Variants in PACS1 observed in about 807,000 individuals in gnomAD.
PACS1 encodes phosphofurin acidic cluster sorting protein 1.
A neutral mutation model predicts 115.0 loss-of-function variants in PACS1; 24 were observed. The observed-to-expected ratio is 0.21, with a 90% CI of 0.15 to 0.29. PACS1 has a LOEUF of 0.29. Ranked by LOEUF, PACS1 falls within the 10% of genes least tolerant of loss-of-function variation. PACS1 has a pLI of 1.00. For missense variants in PACS1, 838 were observed against 1,251.2 expected, an observed-to-expected ratio of 0.67 and a Z score of 4.98; for synonymous variants, 453 against 504.5, an observed-to-expected ratio of 0.90 and a Z score of 1.37.
At chr11:66,084,540 G>C (rs1857536472) in intron 1 of PACS1, among the ~76,000 whole-genome samples, 1 of 152,122 alleles carries the variant, frequency 6.6e-6, no homozygotes, top group Non-Finnish European at 1.5e-5. Flanking sequence ...GGGCTGCTGT[G>C]ATGATCTAGG....
intron 1 of PACS1, among the ~76,000 whole-genome samples, chr11:66,103,440 G>A (rs1857965419): frequency 1.3e-5 from 2 of 151,836 alleles, no homozygotes; most frequent in Non-Finnish European, 1.5e-5. Context: ...GGGTAATTTA[G>A]GAGAAAAGGG....
rs148439184 is a variant in PACS1, at chr11:66,124,782, C to G, written c.356+53940C>G. On this transcript the variant is annotated intron_variant, in intron 1 of 23. Coordinates refer to ENST00000320580, the MANE Select transcript of PACS1 (RefSeq NM_018026.4). Reference sequence around the variant, plus strand: ...AAGCCAGCTCAATGACTTAAACACACAGATGTTTATCATTTCAGAAAACAA... The same window carrying G: ...AAGCCAGCTCAATGACTTAAACACAGAGATGTTTATCATTTCAGAAAACAA... Among the ~76,000 whole-genome samples the G allele has an allele frequency of 4.2e-3, 639 of 152,316 alleles. 4 individuals carry two copies. Among genetic ancestry groups the G allele is most frequent in the African/African-American group, 0.014 (578 of 41,554 alleles).
chr11:66,122,734 A>G (rs1280394000), intron 1 of PACS1, among the ~76,000 whole-genome samples: 1 of 152,246 alleles, frequency 6.6e-6, no homozygotes, highest in Non-Finnish European at 1.5e-5. Flanking sequence ...GGGTCTGAGG[A>G]TATGACTGAA....
chr11:66,140,945 T>C (rs1343481478), intron 1 of PACS1, among the ~76,000 whole-genome samples: 2 of 152,178 alleles, frequency 1.3e-5, no homozygotes, highest in African/African-American at 4.8e-5. Context: ...GGTATCTTAT[T>C]GTATGGATCT....
intron 1 of PACS1, among the ~76,000 whole-genome samples, chr11:66,138,205 C>T (rs1721022937): frequency 6.6e-6 from 1 of 151,992 alleles, no homozygotes; most frequent in African/African-American, 2.4e-5. Flanking sequence ...GATGCTCCTG[C>T]CTCAGCCTTC....
intron 4 of PACS1, among the ~76,000 whole-genome samples, chr11:66,212,232 A>G (rs1855088879): frequency 1.3e-5 from 2 of 151,552 alleles, no homozygotes; most frequent in Admixed American, 6.6e-5. Context: ...CCCGGGTTCA[A>G]GTGATTCTCC....
At chr11:66,186,277 T>C (rs1327995158) in intron 1 of PACS1, among the ~76,000 whole-genome samples, 1 of 139,580 alleles carries the variant, frequency 7.2e-6, no homozygotes, top group Non-Finnish European at 1.6e-5. Context: ...CCCTGTCTCT[T>C]AAAAAAAAAA....
At chr11:66,105,283 C>T (rs906106997) in intron 1 of PACS1, among the ~76,000 whole-genome samples, 4 of 152,000 alleles carry the variant, frequency 2.6e-5, no homozygotes, top group Admixed American at 2.6e-4. Context: ...ATTAGCCAGG[C>T]GAGGTGGTGC....
At chr11:66,230,997 C>T (rs1052120840) in intron 13 of PACS1, 57 bp downstream of exon 13, 2 of 1,602,016 alleles carry the variant, frequency 1.2e-6, no homozygotes, top group Non-Finnish European at 1.7e-6. Context: ...GAACTTCAGG[C>T]TCTGTTTTGT....
chr11:66,163,272 A>G (rs185041852), intron 1 of PACS1, among the ~76,000 whole-genome samples: 22 of 151,266 alleles, frequency 1.5e-4, no homozygotes, highest in Non-Finnish European at 2.1e-4. Flanking sequence ...AACTGCTTGA[A>G]CGAGGTGAGC....
intron 1 of PACS1, among the ~76,000 whole-genome samples, chr11:66,119,039 G>A (rs1315028945): frequency 2.0e-5 from 3 of 152,172 alleles, no homozygotes; most frequent in South Asian, 4.1e-4. Flanking sequence ...AGCTGAGTGG[G>A]AGTGGGGGTG....
intron 12 of PACS1, 28 bp downstream of exon 12, chr11:66,230,691 G>A (rs201081126): frequency 1.9e-6 from 3 of 1,610,212 alleles, no homozygotes; most frequent in African/African-American, 1.3e-5. Flanking sequence ...GAAGCAGGGG[G>A]TACAGCCTGC....
At chr11:66,097,554 G>A (rs1857813518) in intron 1 of PACS1, among the ~76,000 whole-genome samples, 1 of 152,200 alleles carries the variant, frequency 6.6e-6, no homozygotes, top group Non-Finnish European at 1.5e-5. Flanking sequence ...GTACCTTGGT[G>A]GCACCTTATA....
chr11:66,215,899 C>CAAAAAAAAAAAA (rs1162126580), intron 4 of PACS1, among the ~76,000 whole-genome samples: 1 of 116,926 alleles, frequency 8.6e-6, no homozygotes, highest in Non-Finnish European at 1.8e-5. Context: ...GACTCCGTCT[C>CAAAAAAAAAAAA]AAAAATAATA....
At position 66,219,820 on chromosome 11, in the gene PACS1, T is replaced by C; in HGVS notation, c.1038+15T>C. 6.3e-7 allele frequency: 1 copy of C among 1,591,028 alleles called. No individual in the cohort carries two copies. The highest frequency in any genetic ancestry group is 8.6e-7 in the Non-Finnish European group (1 of 1,158,956). The stretch of plus-strand genomic sequence containing the variant: ...TTTCAGATGAGGTATGGCCTCTTAC[T>C]CCCAAGGTTAATGGTGAGTAGAATT... On this transcript the variant is annotated intron_variant, in intron 8 of 23. Coordinates refer to ENST00000320580, the MANE Select transcript of PACS1 (RefSeq NM_018026.4).
chr11:66,168,288 T>C (rs1036565957), intron 1 of PACS1, among the ~76,000 whole-genome samples: 1 of 150,558 alleles, frequency 6.6e-6, no homozygotes, highest in Non-Finnish European at 1.5e-5. Context: ...TTTATATCAA[T>C]TTGGAGGAGA....
intron 8 of PACS1, among the ~76,000 whole-genome samples, chr11:66,220,038 C>G (rs1590828505): frequency 1.3e-5 from 2 of 152,096 alleles, no homozygotes; most frequent in Non-Finnish European, 2.9e-5. Flanking sequence ...CTACGCCCGA[C>G]CCTTGGTGAT....
chr11:66,219,206 A>T (rs996125651), intron 7 of PACS1, among the ~76,000 whole-genome samples: 2 of 151,970 alleles, frequency 1.3e-5, no homozygotes, highest in African/African-American at 4.8e-5. Context: ...GCCTGACTGG[A>T]AACAGTGGTG....
intron 1 of PACS1, among the ~76,000 whole-genome samples, chr11:66,150,964 C>T (rs181724249): frequency 1.1e-4 from 17 of 152,042 alleles, no homozygotes; most frequent in Admixed American, 2.6e-4. Context: ...AAAGCTGCAG[C>T]CTTACAGATG....
Sources: allele counts gnomAD v4.1 joint callset (sites outside exome capture counted in the v4.1 genomes callset), GRCh38; gene constraint gnomAD v4.1.1; transcripts MANE v1.5; gene names NCBI Gene and HGNC (gene_info 2026-07-23, HGNC 2026-07-21).